The following APBB2 variants were observed in gnomAD, a reference collection of about 807,000 sequenced individuals.
APBB2 encodes amyloid beta precursor protein binding family B member 2.
A neutral mutation model predicts 82.5 loss-of-function variants in APBB2; 38 were observed. The ratio of observed to expected loss-of-function variants is 0.46; its 90% CI spans 0.36 to 0.60. The LOEUF (loss-of-function observed/expected upper bound fraction) is 0.60, where lower values mean the gene tolerates loss of function less well. APBB2 is among the 20% of genes least tolerant of loss of function. APBB2 has a pLI of 0.00. For synonymous variants in APBB2, 341 were observed against 368.2 expected, an observed-to-expected ratio of 0.93 and a Z score of 0.85; for missense variants, 772 against 972.3, an observed-to-expected ratio of 0.79 and a Z score of 2.74.
intron 4 of APBB2, among the ~76,000 whole-genome samples, chr4:41,036,660 T>A (rs560449963): frequency 2.0e-5 from 3 of 152,274 alleles, no homozygotes; most frequent in East Asian, 3.9e-4. Flanking sequence ...CAGGCCAGAC[T>A]GGAGAGTCAG....
Position 40,890,320 on chromosome 4 carries a change from G to A in APBB2, c.1529+44C>T, listed in dbSNP as rs779440237. Reference sequence around the variant, plus strand: ...ATGCTTTGGTGTTCAGCTAGACCAGGGACACGGGTGAGGTGACCCAGACTG... The same window carrying A: ...ATGCTTTGGTGTTCAGCTAGACCAGAGACACGGGTGAGGTGACCCAGACTG... On this transcript the variant is annotated intron_variant, in intron 12 of 17. Transcript: ENST00000508593. The A allele has an allele frequency of 3.1e-6, 5 of 1,587,938 alleles. No homozygotes were observed. The Admixed American group carries it at 7.0e-5, about 22-fold the overall frequency.
At chr4:40,951,228 T>A (rs1333112349) in intron 6 of APBB2, among the ~76,000 whole-genome samples, 2 of 134,794 alleles carry the variant, frequency 1.5e-5, no homozygotes, top group Admixed American at 1.6e-4. Context: ...GCTCCCTTTA[T>A]AATTATGTGT....
chr4:41,031,604 A>T (rs950252380), intron 5 of APBB2, among the ~76,000 whole-genome samples: 19 of 152,210 alleles, frequency 1.2e-4, no homozygotes, highest in African/African-American at 4.6e-4. Flanking sequence ...GCATAACAAA[A>T]TATAGCAAGA....
intron 12 of APBB2, among the ~76,000 whole-genome samples, chr4:40,855,917 A>G (rs1016943883): frequency 2.6e-5 from 4 of 152,182 alleles, no homozygotes; most frequent in Non-Finnish European, 5.9e-5. Context: ...ACATTTACAA[A>G]CACATTCTGC....
intron 6 of APBB2, among the ~76,000 whole-genome samples, chr4:40,975,952 A>G (rs149417025): frequency 0.011 from 1,660 of 152,218 alleles, 32 homozygotes; most frequent in African/African-American, 0.036. Context: ...GTAAATTTAC[A>G]TTACTCAAAT....
chr4:40,955,352 TA>T (rs1243768039), intron 6 of APBB2, among the ~76,000 whole-genome samples: 1 of 152,200 alleles, frequency 6.6e-6, no homozygotes, highest in African/African-American at 2.4e-5. Context: ...GTCACTCGAT[TA>T]GGGGTGAGAG....
intron 1 of APBB2, among the ~76,000 whole-genome samples, chr4:41,202,594 C>A (rs1776961388): frequency 6.6e-6 from 1 of 152,138 alleles, no homozygotes; most frequent in Non-Finnish European, 1.5e-5. Flanking sequence ...TAATCTTTGG[C>A]TTTATGCAAA....
At chr4:41,112,638 A>C (rs1205950781) in intron 2 of APBB2, among the ~76,000 whole-genome samples, 1 of 152,174 alleles carries the variant, frequency 6.6e-6, no homozygotes, top group African/African-American at 2.4e-5. Flanking sequence ...GGTTCAAAAA[A>C]CCTGTAAATA....
intron 6 of APBB2, among the ~76,000 whole-genome samples, chr4:40,967,105 C>A (rs544883429): frequency 6.6e-6 from 1 of 152,128 alleles, no homozygotes; most frequent in Non-Finnish European, 1.5e-5. Context: ...TGTGGAGAGG[C>A]GCTAACCCAG....
At chr4:40,851,740 T>TATATA (rs1560700519) in intron 12 of APBB2, among the ~76,000 whole-genome samples, 26 of 39,916 alleles carry the variant, frequency 6.5e-4, no homozygotes, top group African/African-American at 2.1e-3. Flanking sequence ...ATATATATAT[T>TATATA]TTTTTTTTTT....
intron 6 of APBB2, among the ~76,000 whole-genome samples, chr4:41,011,725 C>A (rs182462265): frequency 6.6e-6 from 1 of 151,990 alleles, no homozygotes; most frequent in Non-Finnish European, 1.5e-5. Flanking sequence ...GCCATCATGC[C>A]GGTCTTAAAA....
chr4:40,971,357 G>A (rs1367662390), intron 6 of APBB2, among the ~76,000 whole-genome samples: 1 of 152,108 alleles, frequency 6.6e-6, no homozygotes, highest in Non-Finnish European at 1.5e-5. Flanking sequence ...CTTTTAAGCT[G>A]AGAAGGCATG....
At chr4:41,145,226 G>C (rs1760384021) in intron 1 of APBB2, among the ~76,000 whole-genome samples, 1 of 152,112 alleles carries the variant, frequency 6.6e-6, no homozygotes, top group Non-Finnish European at 1.5e-5. Context: ...GATGCTCTTG[G>C]CATCCTGAAA....
chr4:40,960,370 T>C (rs1344864016), intron 6 of APBB2, among the ~76,000 whole-genome samples: 1 of 151,166 alleles, frequency 6.6e-6, no homozygotes, highest in Admixed American at 6.6e-5. Context: ...GGGGTTAAGA[T>C]ATTTAAATTA....
chr4:41,088,524 C>T (rs779109246), intron 3 of APBB2, among the ~76,000 whole-genome samples: 1 of 152,210 alleles, frequency 6.6e-6, no homozygotes, highest in Admixed American at 6.5e-5. Context: ...TGGGAAGAAG[C>T]AGATCCTGAG....
At chr4:41,201,470 C>A (rs1263217875) in intron 1 of APBB2, among the ~76,000 whole-genome samples, 1 of 152,208 alleles carries the variant, frequency 6.6e-6, no homozygotes, top group African/African-American at 2.4e-5. Context: ...GGCTAAATAT[C>A]TTGATTACTT....
chr4:41,116,423 C>A (rs1310697220), intron 2 of APBB2, among the ~76,000 whole-genome samples: 1 of 152,064 alleles, frequency 6.6e-6, no homozygotes, highest in Non-Finnish European at 1.5e-5. Flanking sequence ...TGTGGCAAAC[C>A]TGCACGTTCT....
At chr4:40,823,492 A>G (rs1748710777) in intron 16 of APBB2, 152 bp downstream of exon 16, 6 of 613,250 alleles carry the variant, frequency 9.8e-6, no homozygotes, top group Non-Finnish European at 1.5e-5. Context: ...ATTTAGACCC[A>G]GACAAAGGGC....
chr4:41,000,002 A>T (rs1000307229), intron 6 of APBB2, among the ~76,000 whole-genome samples: 1 of 148,770 alleles, frequency 6.7e-6, no homozygotes, highest in Admixed American at 6.7e-5. Context: ...AACATGGTAA[A>T]ACCCCGTATT....
Sources: allele counts gnomAD v4.1 joint callset (sites outside exome capture counted in the v4.1 genomes callset), GRCh38; gene constraint gnomAD v4.1.1; transcripts MANE v1.5; gene names NCBI Gene and HGNC (gene_info 2026-07-23, HGNC 2026-07-21).